The following TENM2 variants were observed in gnomAD, a reference collection of about 807,000 sequenced individuals.
TENM2 encodes the protein teneurin-2.
Under a neutral mutation model 245.2 loss-of-function variants are expected in TENM2, and 52 were observed. The observed-to-expected ratio is 0.21, with a 90% CI of 0.17 to 0.27. The LOEUF is 0.27. Ranked by LOEUF, TENM2 falls within the 10% of genes least tolerant of loss-of-function variation. TENM2 has a pLI of 1.00. For missense variants in TENM2, 3,046 were observed against 3,666.8 expected (o/e 0.83, Z 4.37); for synonymous variants, 1,363 against 1,438.9 (o/e 0.95, Z 1.19).
chr5:167,306,413 G>A (rs1732440588), intron 1 of TENM2: 1 of 151,930 alleles, frequency 6.6e-6, no homozygotes, highest in African/African-American at 2.4e-5. Context: ...AGGGGACGAT[G>A]ATTTGTTTCT....
the TENM2 span, among the ~76,000 whole-genome samples, chr5:167,116,079 G>A: frequency 6.6e-6 from 1 of 152,192 alleles, no homozygotes; most frequent in Non-Finnish European, 1.5e-5. Flanking sequence ...GGACAGAAAA[G>A]CCCTAGGTTA....
chr5:167,312,812 C>T (rs756315226), intron 1 of TENM2, among the ~76,000 whole-genome samples: 2 of 151,432 alleles, frequency 1.3e-5, no homozygotes, highest in Non-Finnish European at 2.9e-5. Context: ...GCAGTGTTCT[C>T]GGAGGGTTCA....
intron 12 of TENM2, among the ~76,000 whole-genome samples, chr5:168,160,101 C>A (rs984803759): frequency 6.6e-6 from 1 of 152,174 alleles, no homozygotes; most frequent in Admixed American, 6.5e-5. Context: ...GTAGGTCTGT[C>A]ATTTAGTGTA....
In TENM2 at chr5:167,734,880, G is replaced by A. The variant is rs555937272; in HGVS notation, c.503-141106G>A. The stretch of plus-strand genomic sequence containing the variant: ...CCTTCCTTCATCTCTCTTTCTCCAC[G>A]CTCTACACATGCAATTTTTAACCTC... On this transcript the variant is annotated intron_variant, in intron 2 of 28. Transcript: ENST00000518659. Among the ~76,000 whole-genome samples the A allele has an allele frequency of 4.8e-4, 73 of 151,818 alleles. 1 individual carries two copies. The highest frequency in any genetic ancestry group is 7.2e-4 in the Non-Finnish European group (49 of 67,954).
intron 2 of TENM2, among the ~76,000 whole-genome samples, chr5:167,532,720 A>G (rs949120311): frequency 1.3e-5 from 2 of 151,526 alleles, no homozygotes; most frequent in African/African-American, 4.9e-5. Flanking sequence ...ATATGTATAT[A>G]TACACACACA....
chr5:167,892,891 A>G (rs557515608), intron 3 of TENM2, among the ~76,000 whole-genome samples: 1 of 152,310 alleles, frequency 6.6e-6, no homozygotes, highest in East Asian at 1.9e-4. Context: ...CCATTGCACA[A>G]TGAGAAGTGG....
intron 2 of TENM2, among the ~76,000 whole-genome samples, chr5:167,563,171 G>T (rs1773705224): frequency 6.6e-6 from 1 of 152,070 alleles, no homozygotes; most frequent in Non-Finnish European, 1.5e-5. Context: ...CCTGAAAAAG[G>T]TGCAAGCACA....
At chr5:167,145,238 G>A in the TENM2 span, among the ~76,000 whole-genome samples, 1 of 152,310 alleles carries the variant, frequency 6.6e-6, no homozygotes, top group East Asian at 1.9e-4. Flanking sequence ...ACATCTTTGG[G>A]AGGCTATTAC....
intron 2 of TENM2, among the ~76,000 whole-genome samples, chr5:167,488,415 C>T (rs372108238): frequency 2.0e-4 from 31 of 152,080 alleles, no homozygotes; most frequent in African/African-American, 7.5e-4. Flanking sequence ...TTGCTAAATC[C>T]AATTGCCTAT....
At chr5:167,047,411 G>GAATT in the TENM2 span, among the ~76,000 whole-genome samples, 1 of 128,048 alleles carries the variant, frequency 7.8e-6, no homozygotes, top group African/African-American at 2.7e-5. Context: ...TATAATGTGA[G>GAATT]AATTACAAAG....
At chr5:167,427,439 G>T (rs1258147840) in intron 2 of TENM2, among the ~76,000 whole-genome samples, 1 of 150,970 alleles carries the variant, frequency 6.6e-6, no homozygotes, top group Non-Finnish European at 1.5e-5. Flanking sequence ...GGTGACAAGA[G>T]TGAAACATCT....
chr5:168,086,561 G>A (rs1331544523), intron 7 of TENM2, among the ~76,000 whole-genome samples: 2 of 152,170 alleles, frequency 1.3e-5, no homozygotes, highest in African/African-American at 4.8e-5. Flanking sequence ...AGAGACACAA[G>A]CGGCTTTGGG....
chr5:167,296,329 A>C (rs994362128), intron 1 of TENM2: 2 of 152,236 alleles, frequency 1.3e-5, no homozygotes, highest in Non-Finnish European at 2.9e-5. Context: ...CCACATGTCC[A>C]CTGCCACCTC....
At position 168,244,444 on chromosome 5, in the gene TENM2, A is replaced by G. The variant is rs1206693448; in HGVS notation, c.5545A>G (p.Ile1849Val). ...GGTCCATGGAAGAAATCTCTTGTCCATTGACTATGATCGAAATATTCGGAC... is the reference window on the plus strand; with the variant it reads ...GGTCCATGGAAGAAATCTCTTGTCCGTTGACTATGATCGAAATATTCGGAC... Residue 1849 changes from isoleucine (I) to valine (V), a missense_variant, in exon 26 of 29, where the codon ATT (isoleucine) becomes GTT (valine). Transcript: ENST00000518659. This position sits in a 1 kb window ranked among gnomAD's most constrained non-coding sequence, Gnocchi z 4.9. 6.4e-7 allele frequency: 1 copy of G among 1,566,470 alleles called. No homozygotes were observed. Among genetic ancestry groups the G allele is most frequent in the Non-Finnish European group, 8.7e-7 (1 of 1,149,168 alleles).
At chr5:167,089,585 T>C in the TENM2 span, among the ~76,000 whole-genome samples, 4 of 152,272 alleles carry the variant, frequency 2.6e-5, no homozygotes, top group East Asian at 3.9e-4. Context: ...TTTTTTTTTC[T>C]TTTTGTGCAA....
chr5:167,875,842 CTT>C (rs1201832966), intron 2 of TENM2, 142 bp from the exon 5 acceptor site: 6 of 625,816 alleles, frequency 9.6e-6, no homozygotes, highest in East Asian at 5.5e-5. Context: ...TCAAACCACT[CTT>C]TTAAAAAAGC....
At chr5:167,030,734 G>T in the TENM2 span, among the ~76,000 whole-genome samples, 3 of 152,160 alleles carry the variant, frequency 2.0e-5, no homozygotes, top group Non-Finnish European at 4.4e-5. Context: ...CTACCAGCAG[G>T]GGGTGGGAGA....
chr5:167,091,522 A>G, the TENM2 span, among the ~76,000 whole-genome samples: 9 of 152,188 alleles, frequency 5.9e-5, no homozygotes, highest in African/African-American at 2.2e-4. Flanking sequence ...TCATTAAGGC[A>G]TTGCTGGTAA....
At chr5:167,640,246 T>G (rs1416471179) in intron 2 of TENM2, among the ~76,000 whole-genome samples, 2 of 152,216 alleles carry the variant, frequency 1.3e-5, no homozygotes, top group African/African-American at 4.8e-5. Flanking sequence ...TCGTTTCTAA[T>G]ATGGATAGTA....
Sources: allele counts gnomAD v4.1 joint callset (sites outside exome capture counted in the v4.1 genomes callset), GRCh38; gene constraint gnomAD v4.1.1; non-coding constraint Gnocchi (gnomAD v3.1); transcripts MANE v1.5; gene names NCBI Gene and HGNC (gene_info 2026-07-23, HGNC 2026-07-21).